The following CCDC88C variants were observed in gnomAD, a reference collection of about 807,000 sequenced individuals.
CCDC88C encodes the protein protein Daple.
In CCDC88C, 131 loss-of-function variants were observed where a neutral mutation model predicts 198.8. That is an observed-to-expected ratio of 0.66 (90% CI 0.57 to 0.76). CCDC88C has a LOEUF of 0.76. Ranked by LOEUF, CCDC88C falls within the 30% of genes least tolerant of loss-of-function variation. CCDC88C has a pLI of 0.00. For synonymous variants in CCDC88C, 1,166 were observed against 1,114.7 expected (o/e 1.05, Z -0.92); for missense variants, 2,553 against 2,631.6 (o/e 0.97, Z 0.65).
At position 91,299,938 on chromosome 14, in the gene CCDC88C, G is replaced by A. The variant is rs760200125; in HGVS notation, c.3768C>T (p.Gly1256=). The change falls in exon 21 of 30, where the codon GGC becomes GGT. Residue 1256 remains glycine, a synonymous_variant. Coordinates refer to ENST00000389857, the MANE Select transcript of CCDC88C (RefSeq NM_001080414.4). ...LAMGENQRLR[G]ELDRVNFLHH... ...GCGCCGGCGCTCACCTGTCCAGCTC[G>A]CCCCGCAGCCTCTGGTTCTCGCCCA... The A allele has an allele frequency of 8.2e-6, 13 of 1,587,370 alleles. No homozygotes were observed. Among genetic ancestry groups the A allele is most frequent in the African/African-American group, 2.7e-5 (2 of 74,714 alleles).
At chr14:91,369,066 G>A (rs1406566776) in intron 3 of CCDC88C, among the ~76,000 whole-genome samples, 1 of 152,230 alleles carries the variant, frequency 6.6e-6, no homozygotes, top group Non-Finnish European at 1.5e-5. Context: ...CTGATCGTTT[G>A]CCAGCAGGGC....
chr14:91,390,262 C>T (rs1885423023), intron 3 of CCDC88C, among the ~76,000 whole-genome samples: 1 of 152,144 alleles, frequency 6.6e-6, no homozygotes, highest in African/African-American at 2.4e-5. Flanking sequence ...CCCGATTCTG[C>T]TCCTTGACAC....
chr14:91,383,380 T>C (rs1884926522), intron 3 of CCDC88C, among the ~76,000 whole-genome samples: 1 of 152,162 alleles, frequency 6.6e-6, no homozygotes, highest in African/African-American at 2.4e-5. Flanking sequence ...AGACTGTCGT[T>C]GTTTCCACCA....
Position 91,294,236 on chromosome 14 carries a change from T to G in CCDC88C, c.4049A>C (p.Gln1350Pro). ...SQIQLLSQQN[Q>P]MLLEQNMENK... is the part of the protein sequence containing the mutation. Reference sequence around the variant, plus strand: ...CTCCATGTTCTGCTCCAGAAGCATCTGGTTCTGCTGGCTCAACAGCTGGAT... The same window carrying G: ...CTCCATGTTCTGCTCCAGAAGCATCGGGTTCTGCTGGCTCAACAGCTGGAT... The change falls in exon 23 of 30, where the codon CAG becomes CCG. Residue 1350 changes from glutamine (Q) to proline (P), a missense_variant. Gln to Pro is a moderately conservative substitution (Grantham distance 76, BLOSUM62 -1). Around this residue, in one of 2 missense-constraint regions of CCDC88C, gnomAD observed 1,293 missense variants for 1,219.6 expected, o/e 1.06. Transcript: ENST00000389857. The G allele has an allele frequency of 1.2e-6, 2 of 1,614,054 alleles. No individual in the cohort carries two copies. The highest frequency in any genetic ancestry group is 1.7e-6 in the Non-Finnish European group (2 of 1,179,890).
intron 10 of CCDC88C, among the ~76,000 whole-genome samples, chr14:91,331,237 G>A (rs1252497878): frequency 6.6e-6 from 1 of 152,162 alleles, no homozygotes; most frequent in Non-Finnish European, 1.5e-5. Context: ...AGAATCGGAG[G>A]AAAGTGGAAA....
chr14:91,362,185 G>C (rs1471582762), intron 3 of CCDC88C, among the ~76,000 whole-genome samples: 1 of 150,390 alleles, frequency 6.6e-6, no homozygotes, highest in East Asian at 2.0e-4. Context: ...AGGGAGCCGA[G>C]ATCGCACCAC....
intron 3 of CCDC88C, among the ~76,000 whole-genome samples, chr14:91,402,778 T>C (rs745905296): frequency 5.3e-5 from 8 of 152,354 alleles, no homozygotes; most frequent in South Asian, 2.1e-4. Context: ...ACGACAGGTA[T>C]GTGAGTGTTC....
chr14:91,368,459 T>C (rs1020784070), intron 3 of CCDC88C, among the ~76,000 whole-genome samples: 1 of 152,232 alleles, frequency 6.6e-6, no homozygotes, highest in African/African-American at 2.4e-5. Flanking sequence ...TATACCATGC[T>C]TTCCAACTGT....
chr14:91,285,366 C>T (rs1027630628), intron 25 of CCDC88C: 30 of 448,830 alleles, frequency 6.7e-5, no homozygotes, highest in Admixed American at 3.4e-4. Flanking sequence ...GTGCAAGAGA[C>T]GGGAGGGGGG....
chr14:91,309,125 A>G, intron 16 of CCDC88C, among the ~76,000 whole-genome samples: 1 of 152,168 alleles, frequency 6.6e-6, no homozygotes, highest in South Asian at 2.1e-4. Flanking sequence ...GCTACTCAGG[A>G]GGCTGAGGCG....
intron 5 of CCDC88C, 107 bp from the exon 6 acceptor site, chr14:91,342,570 C>A: frequency 1.3e-6 from 1 of 747,262 alleles, no homozygotes; most frequent in Non-Finnish European, 2.4e-6. Flanking sequence ...CCACCCCGGG[C>A]TTCTCCTTCA....
At chr14:91,373,334 C>G (rs1894917291) in intron 3 of CCDC88C, among the ~76,000 whole-genome samples, 1 of 152,170 alleles carries the variant, frequency 6.6e-6, no homozygotes. Context: ...GCCCTGGGAG[C>G]AAGTGTGCCA....
In CCDC88C at chr14:91,338,227, C is replaced by CA; in HGVS notation, c.892-65dup. 1 of 1,567,414 alleles carries CA rather than the reference C, an allele frequency of 6.4e-7. No homozygotes were observed. The highest frequency in any genetic ancestry group is 1.7e-5 in the Admixed American group (1 of 58,792). On this transcript the variant is annotated intron_variant, in intron 9 of 29. Coordinates refer to ENST00000389857, the MANE Select transcript of CCDC88C (RefSeq NM_001080414.4). The surrounding 1 kb of genome is among the most constrained non-coding windows in gnomAD (Gnocchi z 4.8). ...CATCCTCTAGGAAGGGCAGAAAGGC[C>CA]ATTGCCCTTCTGCATGGTGTCTCCA...
intron 3 of CCDC88C, among the ~76,000 whole-genome samples, chr14:91,369,943 C>T (rs1457661697): frequency 1.3e-5 from 2 of 152,236 alleles, no homozygotes; most frequent in African/African-American, 4.8e-5. Flanking sequence ...CATCAGAAAA[C>T]CCCCTCCCAC....
intron 12 of CCDC88C, 88 bp downstream of exon 12, chr14:91,324,691 C>G (rs1264231720): frequency 6.7e-7 from 1 of 1,483,376 alleles, no homozygotes; most frequent in African/African-American, 1.4e-5. Context: ...GATGGGCTAA[C>G]ATGGCAGATT....
At chr14:91,413,571 T>C (rs1001500163) in intron 2 of CCDC88C, among the ~76,000 whole-genome samples, 7 of 152,228 alleles carry the variant, frequency 4.6e-5, no homozygotes, top group African/African-American at 1.7e-4. Flanking sequence ...GAGGGGCTAT[T>C]GAGCAGGCAT....
intron 10 of CCDC88C, among the ~76,000 whole-genome samples, chr14:91,332,642 G>A (rs906721779): frequency 6.6e-6 from 1 of 152,198 alleles, no homozygotes; most frequent in Non-Finnish European, 1.5e-5. Flanking sequence ...GTCTCCCACT[G>A]TACCTGCAAG....
intron 28 of CCDC88C, 85 bp from the exon 29 acceptor site, chr14:91,278,296 C>G: frequency 3.1e-6 from 4 of 1,282,852 alleles, no homozygotes; most frequent in Non-Finnish European, 4.2e-6. Context: ...CTGCCTTTGC[C>G]CACTTCAAAC....
At chr14:91,317,029 T>C (rs1405013597) in intron 13 of CCDC88C, among the ~76,000 whole-genome samples, 1 of 152,196 alleles carries the variant, frequency 6.6e-6, no homozygotes, top group East Asian at 1.9e-4. Flanking sequence ...CCAGGCTGCA[T>C]GTCTTCACAT....
Sources: gnomAD v4.1 joint callset for allele counts (sites outside exome capture counted in the v4.1 genomes callset) on GRCh38, gnomAD v4.1.1 for gene constraint, gnomAD v4.1.1 regional missense constraint, Gnocchi (gnomAD v3.1) non-coding constraint, MANE v1.5 for transcripts, NCBI Gene and HGNC (gene_info 2026-07-23, HGNC 2026-07-21) for gene names.